Variants in SLX4 observed in about 807,000 individuals in gnomAD.
SLX4 encodes the protein SLX4 structure-specific endonuclease subunit.
SLX4 carries 112 observed loss-of-function variants against 146.2 expected under a neutral mutation model. That is an observed-to-expected ratio of 0.77 (90% CI 0.66 to 0.90). The LOEUF (loss-of-function observed/expected upper bound fraction) is 0.90, where lower values mean the gene tolerates loss of function less well. Ranked by LOEUF, SLX4 falls within the 40% of genes least tolerant of loss-of-function variation. SLX4 has a pLI of 0.00. For synonymous variants in SLX4, 1,061 were observed against 997.7 expected (o/e 1.06, Z -1.20); for missense variants, 2,563 against 2,392.7 (o/e 1.07, Z -1.49).
At position 3,596,287 on chromosome 16, in the gene SLX4, G is replaced by A; in HGVS notation, c.1790C>T (p.Ser597Phe). Residue 597 changes from serine to phenylalanine, a missense_variant, in exon 8 of 15, where the codon TCC becomes TTC. Coordinates refer to ENST00000294008, the MANE Select transcript of SLX4 (RefSeq NM_032444.4). ...GCTGGCCGAAGGCGACGGGCCCCTG[G>A]AGCCACAGCCTGCAGTGGGGGTGCC... ...LHGTPTAGCG[S>F]RGPSPSASQR... 1 of 1,571,068 alleles carries A rather than the reference G, an allele frequency of 6.4e-7. No individual in the cohort carries two copies. The highest frequency in any genetic ancestry group is 8.6e-7 in the Non-Finnish European group (1 of 1,158,894).
intron 12 of SLX4, among the ~76,000 whole-genome samples, chr16:3,588,110 C>A (rs373256052): frequency 2.6e-5 from 4 of 152,280 alleles, no homozygotes; most frequent in South Asian, 4.1e-4. Context: ...ATAAAAAAAT[C>A]GTAAAGGGAA....
Position 3,597,029 on chromosome 16 carries a change from G to C in SLX4, c.1683+350C>G, listed in dbSNP as rs2040668402. ...GTAGAGATGGGGTTTCACCATATTA[G>C]CCAGGCTGGTCTCGAACTCCTGACC... On this transcript the variant is annotated intron_variant, in intron 7 of 14. Coordinates refer to ENST00000294008, the MANE Select transcript of SLX4 (RefSeq NM_032444.4). This position sits in a 1 kb window ranked among gnomAD's most constrained non-coding sequence, Gnocchi z 4.4. Among the ~76,000 whole-genome samples the C allele has an allele frequency of 1.3e-5, 2 of 152,098 alleles. No homozygotes were observed. Among genetic ancestry groups the C allele is most frequent in the African/African-American group, 4.8e-5 (2 of 41,406 alleles).
At chr16:3,603,080 T>C (rs1370449392) in intron 3 of SLX4, among the ~76,000 whole-genome samples, 1 of 152,020 alleles carries the variant, frequency 6.6e-6, no homozygotes, top group Non-Finnish European at 1.5e-5. Context: ...TGAGATGGAG[T>C]CTCACACTCT....
intron 12 of SLX4, among the ~76,000 whole-genome samples, chr16:3,585,219 A>C (rs2040493973): frequency 6.6e-6 from 1 of 152,116 alleles, no homozygotes; most frequent in Non-Finnish European, 1.5e-5. Context: ...CCACACTGAT[A>C]CTCTTCAAAC....
rs777967898 is a variant in SLX4, at chr16:3,589,305, G to C, written c.4333C>G (p.Arg1445Gly). The change falls in exon 12 of 15, where the codon CGG (arginine) becomes GGG (glycine). Residue 1445 changes from arginine (R) to glycine (G), a missense_variant. Arg to Gly is a moderately radical substitution (Grantham distance 125). Coordinates refer to ENST00000294008, the MANE Select transcript of SLX4 (RefSeq NM_032444.4). This position sits in a 1 kb window ranked among gnomAD's most constrained non-coding sequence, Gnocchi z 6.2. ...CTGCTGGTGCTCAGGGGGCCGGTCC[G>C]CTCCAGGTTCCAGTGGTCAATGGGA... is the stretch of plus-strand genomic sequence containing the variant. ...PIPIDHWNLE[R>G]TGPLSTSSPS... 2 of 1,582,270 alleles carry C rather than the reference G, an allele frequency of 1.3e-6. No homozygotes were observed. Among genetic ancestry groups the C allele is most frequent in the Non-Finnish European group, 1.7e-6 (2 of 1,163,288 alleles).
intron 13 of SLX4, among the ~76,000 whole-genome samples, chr16:3,584,158 C>A (rs960244551): frequency 6.6e-6 from 1 of 152,192 alleles, no homozygotes; most frequent in Non-Finnish European, 1.5e-5. Flanking sequence ...CACAGTGGCT[C>A]ACGCCTGTAA....
At chr16:3,598,047 G>A (rs767065700) in intron 5 of SLX4, 48 bp from the exon 6 acceptor site, 17 of 1,607,144 alleles carry the variant, frequency 1.1e-5, no homozygotes, top group Non-Finnish European at 1.4e-5. Context: ...AGGAGTGCAC[G>A]CTTCTCAGGT....
chr16:3,583,498 G>A lies in SLX4; in HGVS notation c.4752C>T (p.Arg1584=), dbSNP rs1381495476. 7.4e-6 allele frequency: 12 copies of A among 1,613,986 alleles called. No individual in the cohort carries two copies. In the African/African-American group the frequency reaches 8.0e-5, roughly 11 times the overall value. ...LKKELDRFGV[R]PLPKRQMVLK... ...GAACCATCTGGCGTTTAGGCAGAGG[G>A]CGGACTCCAAACCTGACGGAGGAAC... The change falls in exon 14 of 15, where the codon CGC becomes CGT. Residue 1584 remains arginine (R), a synonymous_variant. Coordinates refer to ENST00000294008, the MANE Select transcript of SLX4 (RefSeq NM_032444.4).
rs1346015743 is a variant in SLX4 at position 3,583,370 on chromosome 16, T to C, written c.4880A>G (p.Gln1627Arg). Residue 1627 changes from glutamine to arginine, a missense_variant, in exon 14 of 15, where the codon CAG (glutamine) becomes CGG (arginine). Coordinates refer to ENST00000294008, the MANE Select transcript of SLX4 (RefSeq NM_032444.4). ...CTTGTAGGTCTGGGAGGCGAGGGTC[T>C]GGCAGTGAGGCGCCTGCAACAGCGG... ...SQPLLQAPHC[Q>R]TLASQTYKPS... 6.9e-5 allele frequency: 112 copies of C among 1,613,160 alleles called. No individual in the cohort carries two copies. Among genetic ancestry groups the C allele is most frequent in the Non-Finnish European group, 9.3e-5 (110 of 1,179,318 alleles).
rs114573935 is a variant in SLX4, at chr16:3,598,110, G to A, written c.1164-111C>T. ...GCCTGAGAGAAAAGTGACGGATGTG[G>A]ACCTGCCAGGCAGATGCGTCCCCCA... On this transcript the variant is annotated intron_variant, in intron 5 of 14. Coordinates refer to ENST00000294008, the MANE Select transcript of SLX4 (RefSeq NM_032444.4). 2.0e-3 allele frequency: 2,487 copies of A among 1,264,998 alleles called. 34 individuals are homozygous for A. In the African/African-American group the frequency reaches 0.032, roughly 16 times the overall value. 78.4% of individuals were successfully genotyped at this position (1,264,998 alleles called of 1,614,324 possible). A position where few individuals can be genotyped will look rare whatever the true frequency, so the allele number is the denominator to read the frequency against.
chr16:3,598,764 C>T (rs533264591), intron 5 of SLX4, among the ~76,000 whole-genome samples: 13 of 152,344 alleles, frequency 8.5e-5, no homozygotes, highest in African/African-American at 3.1e-4. Flanking sequence ...TTCACCTTCC[C>T]AGGAACGTGG....
At position 3,604,806 on chromosome 16, in the gene SLX4, C is replaced by G. The variant is rs544037659; in HGVS notation, c.760+1668G>C. The stretch of plus-strand genomic sequence containing the variant: ...CTGCACCCCAACCTGGGAGACAGAC[C>G]AAGACTCCATCTCAAAAAAAAAAAA... On this transcript the variant is annotated intron_variant, in intron 3 of 14. Coordinates refer to ENST00000294008, the MANE Select transcript of SLX4 (RefSeq NM_032444.4). Among the ~76,000 whole-genome samples the G allele has an allele frequency of 7.2e-5, 9 of 125,248 alleles. No individual in the cohort carries two copies. In the South Asian group the frequency reaches 2.3e-3, roughly 32 times the overall value. 82.2% of individuals were successfully genotyped at this position (125,248 alleles called of 152,430 possible).
At position 3,591,415 on chromosome 16, in the gene SLX4, A is replaced by G. The variant is rs1172814384; in HGVS notation, c.2328-105T>C. 4 of 1,507,588 alleles carry G rather than the reference A, an allele frequency of 2.7e-6. No homozygotes were observed. The African/African-American group carries it at 5.5e-5, about 21-fold the overall frequency. 93.4% of individuals were successfully genotyped at this position (1,507,588 alleles called of 1,614,324 possible). ...AGCAGAGTCTTCACCAGGAGGAATG[A>G]CCATGACCCAGGCCCTGCTTCCCTT... On this transcript the variant is annotated intron_variant, in intron 11 of 14. Transcript: ENST00000294008.
intron 5 of SLX4, among the ~76,000 whole-genome samples, chr16:3,599,106 C>T (rs1035423476): frequency 5.9e-5 from 9 of 152,170 alleles, no homozygotes; most frequent in Non-Finnish European, 1.2e-4. Flanking sequence ...GTGCTTTTGG[C>T]GTGGTCCTGC....
At chr16:3,596,051 G>T (rs1359847652) in intron 8 of SLX4, 102 bp downstream of exon 8, 3 of 1,463,840 alleles carry the variant, frequency 2.0e-6, no homozygotes, top group Non-Finnish European at 2.7e-6. Context: ...GGTCAGAGCT[G>T]CCGTCGCGGC....
At chr16:3,598,025 T>TTC in intron 5 of SLX4, 26 bp from the exon 6 acceptor site, 1 of 1,613,818 alleles carries the variant, frequency 6.2e-7, no homozygotes. Context: ...AGAGAAAAGT[T>TTC]ACTGGGGCTA....
intron 5 of SLX4, 93 bp downstream of exon 5, chr16:3,600,886 G>A (rs905923202): frequency 8.1e-6 from 11 of 1,364,100 alleles, no homozygotes; most frequent in Non-Finnish European, 1.0e-5. Context: ...GTGAACTACT[G>A]CGTCCAGCCC....
Position 3,582,625 on chromosome 16 carries a change from C to CT in SLX4, c.5221dup (p.Ser1741LysfsTer37). ...CGCCTGCACGGCTGCCTGCGAGGCA[C>CT]TGACCTCCCCCTCGCCCTCCTCTTC... On this transcript the variant is annotated frameshift_variant, in exon 15 of 15. Coordinates refer to ENST00000294008, the MANE Select transcript of SLX4 (RefSeq NM_032444.4). LOFTEE classifies it low-confidence loss of function (END_TRUNC). 1 of 1,613,610 alleles carries CT rather than the reference C, an allele frequency of 6.2e-7. No individual in the cohort carries two copies. Among genetic ancestry groups the CT allele is most frequent in the Non-Finnish European group, 8.5e-7 (1 of 1,180,044 alleles).
At position 3,590,781 on chromosome 16, in the gene SLX4, GC is replaced by G; in HGVS notation, c.2856del (p.Gly954AlafsTer47). ...GGGCTGGAGCAGCTGGAATGGCCAA[GC>G]GCCTCCTCTGGCGCCTCCTGCTCAG... is the stretch of plus-strand genomic sequence containing the variant. ...EAPEQEAPEE[A>X]LGHSSCSSPS... On this transcript the variant is annotated frameshift_variant, in exon 12 of 15. Transcript: ENST00000294008. LOFTEE classifies it high-confidence loss of function. The surrounding 1 kb of genome is among the most constrained non-coding windows in gnomAD (Gnocchi z 4.8). 2 of 1,614,028 alleles carry G rather than the reference GC, an allele frequency of 1.2e-6. No homozygotes were observed. The highest frequency in any genetic ancestry group is 1.7e-6 in the Non-Finnish European group (2 of 1,180,020).
Sources: gnomAD v4.1 joint callset for allele counts (sites outside exome capture counted in the v4.1 genomes callset) on GRCh38, gnomAD v4.1.1 for gene constraint, Gnocchi (gnomAD v3.1) non-coding constraint, MANE v1.5 for transcripts, NCBI Gene and HGNC (gene_info 2026-07-23, HGNC 2026-07-21) for gene names.